SEMA5A: variants seen among roughly 807,000 people sequenced by gnomAD.
SEMA5A encodes semaphorin-5A.
Under a neutral mutation model 135.5 loss-of-function variants are expected in SEMA5A, and 55 were observed. That is an observed-to-expected ratio of 0.41 (90% CI 0.33 to 0.51). The LOEUF is 0.51. SEMA5A is among the 20% of genes least tolerant of loss of function. The probability of loss-of-function intolerance (pLI) is 0.37; values close to 1 mark genes in which losing one functional copy is unlikely to be tolerated. For missense variants in SEMA5A, 1,290 were observed against 1,419.9 expected, an observed-to-expected ratio of 0.91 and a Z score of 1.47; for synonymous variants, 580 against 546.5, an observed-to-expected ratio of 1.06 and a Z score of -0.85.
In SEMA5A at chr5:9,042,577, C is replaced by G. The variant is rs1736019940; in HGVS notation, c.*320G>C. The stretch of plus-strand genomic sequence containing the variant: ...CACTCCAAAGTTCTAAAGAAAGACT[C>G]CTTCCAATGTGGGTGGCACATTTAT... On this transcript the variant is annotated 3_prime_UTR_variant, in exon 23 of 23. Coordinates refer to ENST00000382496, the MANE Select transcript of SEMA5A (RefSeq NM_003966.3). The G allele has an allele frequency of 6.6e-6, 2 of 300,904 alleles. No individual in the cohort carries two copies. Among genetic ancestry groups the G allele is most frequent in the South Asian group, 7.5e-5 (2 of 26,614 alleles). The allele number at this position is 300,904 out of a possible 1,614,324, so 18.6% of individuals were successfully genotyped here. A position where few individuals can be genotyped will look rare whatever the true frequency, so the allele number is the denominator to read the frequency against.
intron 1 of SEMA5A, among the ~76,000 whole-genome samples, chr5:9,516,281 TACACACACACC>T (rs894036523): frequency 1.3e-5 from 2 of 151,834 alleles, no homozygotes; most frequent in African/African-American, 2.4e-5. Flanking sequence ...TACACACGTA[TACACACACACC>T]ACACACACAC....
chr5:9,482,514 G>A (rs1257438192), intron 1 of SEMA5A, among the ~76,000 whole-genome samples: 4 of 152,178 alleles, frequency 2.6e-5, no homozygotes, highest in African/African-American at 7.2e-5. Context: ...TACAATAACA[G>A]GTGATGTGGA....
At chr5:9,431,329 G>A (rs539568474) in intron 2 of SEMA5A, among the ~76,000 whole-genome samples, 1 of 152,298 alleles carries the variant, frequency 6.6e-6, no homozygotes, top group East Asian at 1.9e-4. Flanking sequence ...GGAAATGTAA[G>A]TGCACTATTC....
At chr5:9,288,331 T>C (rs1579285581) in intron 5 of SEMA5A, among the ~76,000 whole-genome samples, 1 of 152,180 alleles carries the variant, frequency 6.6e-6, no homozygotes, top group Admixed American at 6.5e-5. Flanking sequence ...GTGTGGCTGC[T>C]GCGGTGTGAG....
At position 9,352,094 on chromosome 5, in the gene SEMA5A, C is replaced by CGCG. The variant is rs1554023406; in HGVS notation, c.125-14283_125-14282insCGC. ...TCAAATTCTAATGAATGTAACAGGTCGGGGGGGTTACTTAAGAGTAGGGTA... is the reference window on the plus strand; with the variant it reads ...TCAAATTCTAATGAATGTAACAGGTCGCGGGGGGGGTTACTTAAGAGTAGGGTA... On this transcript the variant is annotated intron_variant, in intron 3 of 22. Coordinates refer to ENST00000382496, the MANE Select transcript of SEMA5A (RefSeq NM_003966.3). Among the ~76,000 whole-genome samples, 128 of 132,358 alleles carry CGCG rather than the reference C, an allele frequency of 9.7e-4. 1 individual carries two copies. Among genetic ancestry groups the CGCG allele is most frequent in the Non-Finnish European group, 1.8e-3 (110 of 61,230 alleles). 86.8% of individuals were successfully genotyped at this position (132,358 alleles called of 152,430 possible). A position where few individuals can be genotyped will look rare whatever the true frequency, so the allele number is the denominator to read the frequency against.
chr5:9,142,276 G>T (rs1300065756), intron 12 of SEMA5A, among the ~76,000 whole-genome samples: 2 of 152,194 alleles, frequency 1.3e-5, no homozygotes, highest in Non-Finnish European at 2.9e-5. Context: ...TGACCCATTT[G>T]ATAGGCGCCA....
rs143518329 is a variant in SEMA5A at position 9,036,803 on chromosome 5, T to G, written c.*6094A>C. On this transcript the variant is annotated 3_prime_UTR_variant, in exon 23 of 23. Transcript: ENST00000382496. ...TCTAATTAGACCAATAATATCCACA[T>G]GAAATGATAAATGATCATCTTAAAC... The G allele has an allele frequency of 6.6e-6, 1 of 152,606 alleles. No homozygotes were observed. Among genetic ancestry groups the G allele is most frequent in the South Asian group, 2.1e-4 (1 of 4,822 alleles). The allele number at this position is 152,606 out of a possible 1,614,324, so 9.5% of individuals were successfully genotyped here.
intron 3 of SEMA5A, among the ~76,000 whole-genome samples, chr5:9,339,470 C>T (rs1027264404): frequency 4.6e-5 from 7 of 152,224 alleles, no homozygotes. Context: ...CCCAATGGCT[C>T]TTGCGTCTGC....
intron 1 of SEMA5A, chr5:9,517,258 T>A (rs1045520145): frequency 1.3e-5 from 2 of 152,238 alleles, no homozygotes; most frequent in African/African-American, 2.4e-5. Flanking sequence ...TAAAGAACCA[T>A]AAATTAAGTT....
chr5:9,144,343 T>C (rs912073178), intron 12 of SEMA5A, among the ~76,000 whole-genome samples: 5 of 152,206 alleles, frequency 3.3e-5, no homozygotes, highest in African/African-American at 4.8e-5. Flanking sequence ...TGTCAAGTAA[T>C]ACATTTTAAT....
chr5:9,101,026 T>C (rs926677106), intron 16 of SEMA5A, among the ~76,000 whole-genome samples: 2 of 152,182 alleles, frequency 1.3e-5, no homozygotes, highest in African/African-American at 2.4e-5. Context: ...TTTCCCAAGG[T>C]TTCTTGCATT....
chr5:9,089,520 C>A (rs1339121208), intron 16 of SEMA5A, among the ~76,000 whole-genome samples: 7 of 151,994 alleles, frequency 4.6e-5, no homozygotes, highest in African/African-American at 1.7e-4. Context: ...ATTTGATGAC[C>A]AGTCATTAAC....
intron 1 of SEMA5A, among the ~76,000 whole-genome samples, chr5:9,541,469 T>G (rs531344758): frequency 2.2e-4 from 34 of 152,276 alleles, no homozygotes; most frequent in African/African-American, 8.2e-4. Context: ...ATAAAAGAAT[T>G]TCATCCTCTA....
At chr5:9,446,198 T>C (rs1758426322) in intron 1 of SEMA5A, among the ~76,000 whole-genome samples, 1 of 152,166 alleles carries the variant, frequency 6.6e-6, no homozygotes, top group South Asian at 2.1e-4. Flanking sequence ...CTAGTAGAAA[T>C]AGCTGGCACT....
intron 2 of SEMA5A, among the ~76,000 whole-genome samples, chr5:9,408,339 A>G (rs987371211): frequency 6.6e-6 from 1 of 152,070 alleles, no homozygotes; most frequent in African/African-American, 2.4e-5. Flanking sequence ...ACACTTCTTA[A>G]CTCCACTAGA....
Position 9,202,600 on chromosome 5 carries a change from G to T in SEMA5A, c.647-360C>A, listed in dbSNP as rs191921061. Among the ~76,000 whole-genome samples the T allele has an allele frequency of 1.1e-4, 17 of 152,318 alleles. No individual in the cohort carries two copies. In the East Asian group the frequency reaches 1.9e-3, roughly 17 times the overall value. On this transcript the variant is annotated intron_variant, in intron 8 of 22. Transcript: ENST00000382496. ...TTTGCAAATTCTTACATAACCTTCA[G>T]AGAGGGAGAAAATATGATTAAAAAG...
chr5:9,182,442 G>C (rs529058139), intron 11 of SEMA5A, among the ~76,000 whole-genome samples: 133 of 152,186 alleles, frequency 8.7e-4, no homozygotes, highest in South Asian at 5.6e-3. Context: ...TCTACAAGAA[G>C]ACTTCTCACA....
chr5:9,052,717 G>T (rs146452019), intron 19 of SEMA5A, among the ~76,000 whole-genome samples: 1 of 151,910 alleles, frequency 6.6e-6, no homozygotes, highest in East Asian at 1.9e-4. Context: ...ACTTCATCCC[G>T]AAGTGGAAGA....
At chr5:9,090,777 G>A (rs1505064) in intron 16 of SEMA5A, among the ~76,000 whole-genome samples, 17,371 of 152,086 alleles carry the variant, frequency 0.11, 1,532 homozygotes, top group East Asian at 0.32. Context: ...GTCTCCATTC[G>A]TCCCTCATAC....
Sources: gnomAD v4.1 joint callset for allele counts (sites outside exome capture counted in the v4.1 genomes callset) on GRCh38, gnomAD v4.1.1 for gene constraint, MANE v1.5 for transcripts, NCBI Gene and HGNC (gene_info 2026-07-23, HGNC 2026-07-21) for gene names.